COL26A1: variants seen among roughly 807,000 people sequenced by gnomAD.
The protein encoded by COL26A1 is collagen type XXVI alpha 1 chain, also known as collagen alpha-1(XXVI) chain.
A neutral mutation model predicts 59.3 loss-of-function variants in COL26A1; 41 were observed. The ratio of observed to expected loss-of-function variants is 0.69; its 90% confidence interval spans 0.54 to 0.90. The LOEUF (loss-of-function observed/expected upper bound fraction) is 0.90. Ranked by LOEUF, COL26A1 falls within the 40% of genes least tolerant of loss-of-function variation. The pLI, the probability that COL26A1 is intolerant of heterozygous loss-of-function variation, is 0.00. For missense variants in COL26A1, 612 were observed against 602.3 expected (o/e 1.02, Z -0.17); for synonymous variants, 266 against 256.0 (o/e 1.04, Z -0.37).
In COL26A1 at chr7:101,387,769, TATATATA is replaced by T. The variant is rs1198867755; in HGVS notation, c.158+24580_158+24586del. On this transcript the variant is annotated intron_variant, in intron 1 of 12. Coordinates refer to ENST00000313669, the MANE Select transcript of COL26A1 (RefSeq NM_001278563.3). ...ATATATATATTTATATATATATATATATATATATATTTTTTTTTAAGACAGAGTCTCA... is the reference window on the plus strand; with the variant it reads ...ATATATATATTTATATATATATATATTATTTTTTTTTAAGACAGAGTCTCA... Among the ~76,000 whole-genome samples, 25 of 49,220 alleles carry T rather than the reference TATATATA, an allele frequency of 5.1e-4. No individual in the cohort carries two copies. In the South Asian group the frequency reaches 5.4e-3, roughly 11 times the overall value. The allele number at this position is 49,220 out of a possible 152,430, so 32.3% of individuals were successfully genotyped here. A position where few individuals can be genotyped will look rare whatever the true frequency, so the allele number is the denominator to read the frequency against.
At chr7:101,449,742 C>T (rs1330637992) in intron 3 of COL26A1, among the ~76,000 whole-genome samples, 1 of 152,138 alleles carries the variant, frequency 6.6e-6, no homozygotes, top group Non-Finnish European at 1.5e-5. Flanking sequence ...GTCCCCAAGA[C>T]CACCCTTAGG....
Position 101,539,954 on chromosome 7 carries a change from A to G in COL26A1, c.509A>G (p.Glu170Gly). The G allele has an allele frequency of 1.2e-6, 2 of 1,613,654 alleles. No homozygotes were observed. Among genetic ancestry groups the G allele is most frequent in the Non-Finnish European group, 1.7e-6 (2 of 1,179,814 alleles). The change falls in exon 5 of 13, where the codon GAG becomes GGG. Residue 170 changes from glutamate to glycine, a missense_variant. Coordinates refer to ENST00000313669, the MANE Select transcript of COL26A1 (RefSeq NM_001278563.3). ...CCGGACAACGACCTGCCAGCCCCCG[A>G]GAGCACTCCGCCGACCTGGAATGAG... Reference protein sequence around the residue: ...SSPDNDLPAPESTPPTWNEDF... With the variant: ...SSPDNDLPAPGSTPPTWNEDF...
intron 2 of COL26A1, among the ~76,000 whole-genome samples, chr7:101,447,228 A>T (rs1584415298): frequency 6.6e-6 from 1 of 151,696 alleles, no homozygotes; most frequent in Non-Finnish European, 1.5e-5. Flanking sequence ...GGAGGTTCAG[A>T]CTCTTGCAGC....
intron 1 of COL26A1, among the ~76,000 whole-genome samples, chr7:101,380,898 C>T (rs1791430689): frequency 6.6e-6 from 1 of 152,142 alleles, no homozygotes; most frequent in Non-Finnish European, 1.5e-5. Flanking sequence ...GGTTATCTTC[C>T]CAGAGATGGC....
chr7:101,429,061 TTA>T (rs1342535089), intron 2 of COL26A1, among the ~76,000 whole-genome samples: 1 of 151,842 alleles, frequency 6.6e-6, no homozygotes, highest in African/African-American at 2.4e-5. Context: ...GTAGCTGGGA[TTA>T]CAGGCACCTG....
At position 101,498,962 on chromosome 7, in the gene COL26A1, A is replaced by C. The variant is rs544398864; in HGVS notation, c.386-34120A>C. Among the ~76,000 whole-genome samples, 3 of 152,300 alleles carry C rather than the reference A, an allele frequency of 2.0e-5. No homozygotes were observed. The East Asian group carries it at 5.8e-4, about 29-fold the overall frequency. ...CCCCGCACAAAACTGTGCATTAATG[A>C]AAGTTTTGACAAAGAGATTTCATTT... On this transcript the variant is annotated intron_variant, in intron 3 of 12. Coordinates refer to ENST00000313669, the MANE Select transcript of COL26A1 (RefSeq NM_001278563.3).
At chr7:101,383,530 C>G (rs138763029) in intron 1 of COL26A1, among the ~76,000 whole-genome samples, 2,895 of 108,848 alleles carry the variant, frequency 0.027, 77 homozygotes, top group African/African-American at 0.071. Flanking sequence ...CCACGCCTGG[C>G]TAATTTTTTT....
intron 3 of COL26A1, among the ~76,000 whole-genome samples, chr7:101,499,066 G>C (rs1315079763): frequency 6.6e-6 from 1 of 152,202 alleles, no homozygotes; most frequent in Non-Finnish European, 1.5e-5. Flanking sequence ...TTCCAGATTG[G>C]GGGCGCGAGG....
At chr7:101,467,730 G>T (rs917407092) in intron 3 of COL26A1, among the ~76,000 whole-genome samples, 1 of 152,140 alleles carries the variant, frequency 6.6e-6, no homozygotes, top group Admixed American at 6.6e-5. Context: ...AGCCAGGTAT[G>T]GTGGCGGGCG....
At chr7:101,403,578 A>T (rs1163868674) in intron 1 of COL26A1, among the ~76,000 whole-genome samples, 1 of 152,026 alleles carries the variant, frequency 6.6e-6, no homozygotes, top group Non-Finnish European at 1.5e-5. Flanking sequence ...AGGTCTTGCT[A>T]TATTGCCCAG....
intron 1 of COL26A1, among the ~76,000 whole-genome samples, chr7:101,394,890 T>TA (rs1253966422): frequency 6.8e-6 from 1 of 146,230 alleles, no homozygotes; most frequent in Admixed American, 6.8e-5. Flanking sequence ...TTTTTTTTTT[T>TA]TGAGACAGAG....
At chr7:101,522,269 G>A (rs946533257) in intron 3 of COL26A1, among the ~76,000 whole-genome samples, 2 of 152,114 alleles carry the variant, frequency 1.3e-5, no homozygotes, top group South Asian at 2.1e-4. Context: ...CCACCTTCTC[G>A]CCAATTGCCT....
chr7:101,487,075 G>A (rs1374394066), intron 3 of COL26A1, among the ~76,000 whole-genome samples: 9 of 152,190 alleles, frequency 5.9e-5, no homozygotes, highest in Admixed American at 5.9e-4. Context: ...GACAGACAGG[G>A]AAGCTGGGAA....
intron 1 of COL26A1, among the ~76,000 whole-genome samples, chr7:101,372,369 T>C (rs547071175): frequency 3.3e-5 from 5 of 152,200 alleles, no homozygotes; most frequent in Admixed American, 3.3e-4. Flanking sequence ...TTTCTCCACG[T>C]TGGCCAGGTC....
chr7:101,440,975 C>CAAA (rs71891771), intron 2 of COL26A1, among the ~76,000 whole-genome samples: 6 of 100,424 alleles, frequency 6.0e-5, no homozygotes, highest in Admixed American at 2.5e-4. Flanking sequence ...GACTCCGTCT[C>CAAA]AAAAAAAAAA....
chr7:101,490,071 G>C (rs1056267765), intron 3 of COL26A1, among the ~76,000 whole-genome samples: 12 of 150,726 alleles, frequency 8.0e-5, no homozygotes, highest in Non-Finnish European at 1.5e-4. Context: ...CAAGTAGCTG[G>C]GACTACAGGC....
intron 1 of COL26A1, among the ~76,000 whole-genome samples, chr7:101,380,966 T>C (rs547931033): frequency 5.9e-5 from 9 of 152,154 alleles, no homozygotes; most frequent in Non-Finnish European, 1.2e-4. Context: ...AGGTTCTAGG[T>C]TGTTCTCTGT....
Position 101,398,058 on chromosome 7 carries a change from C to G in COL26A1, c.159-21919C>G, listed in dbSNP as rs76401048. The stretch of plus-strand genomic sequence containing the variant: ...TATAAACAGAATCATTCAGCATGAA[C>G]TCTATTGGGTGTGACTTCTTTTGCT... On this transcript the variant is annotated intron_variant, in intron 1 of 12. Transcript: ENST00000313669. 8.3e-3 allele frequency among the ~76,000 whole-genome samples: 1,267 copies of G among 152,272 alleles called. 7 individuals carry two copies. Among genetic ancestry groups the G allele is most frequent in the Middle Eastern group, 0.02 (6 of 294 alleles).
intron 3 of COL26A1, among the ~76,000 whole-genome samples, chr7:101,486,181 A>AG (rs1281345647): frequency 1.3e-5 from 2 of 152,004 alleles, no homozygotes; most frequent in Non-Finnish European, 2.9e-5. Context: ...TAAAAAAAAA[A>AG]AAAAAGTAGT....
Sources: allele counts gnomAD v4.1 joint callset (sites outside exome capture counted in the v4.1 genomes callset), GRCh38; gene constraint gnomAD v4.1.1; transcripts MANE v1.5; gene names NCBI Gene and HGNC (gene_info 2026-07-23, HGNC 2026-07-21).